The following KHDRBS2 variants were observed in gnomAD, a reference collection of about 807,000 sequenced individuals.
KHDRBS2 encodes KH RNA binding domain containing, signal transduction associated 2, also known as KH domain-containing, RNA-binding, signal transduction-associated protein 2.
In KHDRBS2, 26 loss-of-function variants were observed where a neutral mutation model predicts 44.3. That is an observed-to-expected ratio of 0.59 (90% CI 0.43 to 0.81). The LOEUF is 0.81. Ranked by LOEUF, KHDRBS2 falls within the 40% of genes least tolerant of loss-of-function variation. The probability of loss-of-function intolerance (pLI) is 0.00; values close to 1 mark genes in which losing one functional copy is unlikely to be tolerated. For missense variants in KHDRBS2, 476 were observed against 433.1 expected, an observed-to-expected ratio of 1.10 and a Z score of -0.88; for synonymous variants, 194 against 151.1, an observed-to-expected ratio of 1.28 and a Z score of -2.08.
chr6:61,711,546 T>G (rs1428383301), intron 7 of KHDRBS2, among the ~76,000 whole-genome samples: 1 of 151,842 alleles, frequency 6.6e-6, no homozygotes, highest in Non-Finnish European at 1.5e-5. Flanking sequence ...CAACCTAAGT[T>G]TTCAGTTGGT....
chr6:61,599,701 A>T, the KHDRBS2 span, among the ~76,000 whole-genome samples: 1 of 152,202 alleles, frequency 6.6e-6, no homozygotes, highest in Non-Finnish European at 1.5e-5. Flanking sequence ...GAAACCTTTC[A>T]TGGATGGGAT....
intron 2 of KHDRBS2, among the ~76,000 whole-genome samples, chr6:62,049,424 G>T (rs1292479249): frequency 1.3e-5 from 2 of 150,780 alleles, no homozygotes; most frequent in African/African-American, 4.9e-5. Context: ...ATTCTAAGAA[G>T]AAAGCATTAG....
chr6:61,592,898 T>C, the KHDRBS2 span, among the ~76,000 whole-genome samples: 1 of 152,258 alleles, frequency 6.6e-6, no homozygotes, highest in South Asian at 2.1e-4. Flanking sequence ...TAGTTGAGTC[T>C]CATTCCAAGA....
rs1823121929 is a variant in KHDRBS2, at chr6:62,184,943, G to A, written c.92-7631C>T. ...TATTAATCCAACAGTCCACACTAAT[G>A]CAAAATTTCTTTGAGCTCCCTTTGC... On this transcript the variant is annotated intron_variant, in intron 1 of 8. Transcript: ENST00000281156. Among the ~76,000 whole-genome samples the A allele has an allele frequency of 2.6e-5, 4 of 151,816 alleles. No individual in the cohort carries two copies. In the South Asian group the frequency reaches 8.3e-4, roughly 31 times the overall value.
chr6:62,135,859 A>G (rs1811405833), intron 2 of KHDRBS2, among the ~76,000 whole-genome samples: 1 of 152,138 alleles, frequency 6.6e-6, no homozygotes, highest in South Asian at 2.1e-4. Context: ...TGGAAAGTAA[A>G]AAAACAAAAA....
In KHDRBS2 at chr6:61,907,914, G is replaced by A. The variant is rs114518478; in HGVS notation, c.484-6543C>T. On this transcript the variant is annotated intron_variant, in intron 4 of 8. Coordinates refer to ENST00000281156, the MANE Select transcript of KHDRBS2 (RefSeq NM_152688.4). Reference sequence around the variant, plus strand: ...CAGTTATATAAAACTTTACAGATTTGAGTAAACAAATTATTCCAAGTTTAG... The same window carrying A: ...CAGTTATATAAAACTTTACAGATTTAAGTAAACAAATTATTCCAAGTTTAG... 5.3e-3 allele frequency among the ~76,000 whole-genome samples: 802 copies of A among 152,196 alleles called. 5 individuals are homozygous for A. The highest frequency in any genetic ancestry group is 0.018 in the African/African-American group (758 of 41,528).
intron 6 of KHDRBS2, among the ~76,000 whole-genome samples, chr6:61,743,542 C>T (rs1313286580): frequency 6.6e-6 from 1 of 151,862 alleles, no homozygotes; most frequent in Non-Finnish European, 1.5e-5. Context: ...CCTGTTAAAA[C>T]ATGTACTGAA....
chr6:62,095,159 A>G (rs192546801), intron 2 of KHDRBS2, among the ~76,000 whole-genome samples: 1 of 151,924 alleles, frequency 6.6e-6, no homozygotes, highest in Non-Finnish European at 1.5e-5. Context: ...TATGTTTTCT[A>G]CATCTGAAAA....
intron 2 of KHDRBS2, among the ~76,000 whole-genome samples, chr6:62,112,099 A>C (rs1394801372): frequency 6.6e-6 from 1 of 152,166 alleles, no homozygotes; most frequent in African/African-American, 2.4e-5. Context: ...ACTTCTAAGT[A>C]TAAAGGCAAG....
intron 6 of KHDRBS2, among the ~76,000 whole-genome samples, chr6:61,814,432 T>C (rs1582976505): frequency 6.6e-6 from 1 of 151,722 alleles, no homozygotes; most frequent in South Asian, 2.1e-4. Flanking sequence ...CATGGTGAAA[T>C]CCTGTCTCTA....
intron 1 of KHDRBS2, among the ~76,000 whole-genome samples, chr6:62,269,511 G>C (rs1839739975): frequency 6.6e-6 from 1 of 152,016 alleles, no homozygotes; most frequent in African/African-American, 2.4e-5. Flanking sequence ...TATTCAAGGA[G>C]ATGCAAATCA....
chr6:62,064,802 G>C (rs1242643055), intron 2 of KHDRBS2, among the ~76,000 whole-genome samples: 1 of 151,914 alleles, frequency 6.6e-6, no homozygotes, highest in Non-Finnish European at 1.5e-5. Flanking sequence ...AAACTAAACA[G>C]CTTCTGCACA....
At chr6:62,034,007 T>C (rs1784806189) in intron 3 of KHDRBS2, among the ~76,000 whole-genome samples, 2 of 151,358 alleles carry the variant, frequency 1.3e-5, no homozygotes, top group African/African-American at 4.8e-5. Context: ...CCACAGAAAT[T>C]CAAAGGATCA....
chr6:61,547,350 C>T, the KHDRBS2 span, among the ~76,000 whole-genome samples: 2 of 152,140 alleles, frequency 1.3e-5, no homozygotes, highest in African/African-American at 4.8e-5. Context: ...ATTTATTAAA[C>T]TTTCTATAAT....
the KHDRBS2 span, among the ~76,000 whole-genome samples, chr6:61,588,296 T>C: frequency 3.9e-5 from 6 of 152,184 alleles, no homozygotes; most frequent in East Asian, 1.9e-4. Context: ...GGACATTCAT[T>C]GCAGCTGCTG....
intron 4 of KHDRBS2, among the ~76,000 whole-genome samples, chr6:61,966,711 G>GT (rs1562544896): frequency 6.6e-6 from 1 of 151,922 alleles, no homozygotes; most frequent in Admixed American, 6.6e-5. Flanking sequence ...TAACTTTATT[G>GT]TTGTTATTAT....
chr6:61,813,849 C>T (rs531900759), intron 6 of KHDRBS2: 66 of 438,584 alleles, frequency 1.5e-4, no homozygotes, highest in African/African-American at 1.3e-3. Flanking sequence ...TGGTGACCTT[C>T]CAGTGCATAG....
Position 62,099,906 on chromosome 6 carries a change from C to A in KHDRBS2, c.220-51912G>T, listed in dbSNP as rs546432651. Among the ~76,000 whole-genome samples the A allele has an allele frequency of 2.0e-5, 3 of 152,284 alleles. No individual in the cohort carries two copies. The South Asian group carries it at 6.2e-4, about 32-fold the overall frequency. On this transcript the variant is annotated intron_variant, in intron 2 of 8. Transcript: ENST00000281156. ...AATATACATTCTACAGTTCATGGAT[C>A]AAGGAATAATTTCAATTTTCAAGTC... is the stretch of plus-strand genomic sequence containing the variant.
At chr6:62,179,667 T>C (rs1437394377) in intron 1 of KHDRBS2, among the ~76,000 whole-genome samples, 1 of 151,752 alleles carries the variant, frequency 6.6e-6, no homozygotes, top group East Asian at 1.9e-4. Context: ...TTGTTACTTT[T>C]TCATAAAAAT....
Sources: gnomAD v4.1 joint callset for allele counts (sites outside exome capture counted in the v4.1 genomes callset) on GRCh38, gnomAD v4.1.1 for gene constraint, MANE v1.5 for transcripts, NCBI Gene and HGNC (gene_info 2026-07-23, HGNC 2026-07-21) for gene names.